HSPG2: variants seen among roughly 807,000 people sequenced by gnomAD.
The protein encoded by HSPG2 is heparan sulfate proteoglycan 2.
In HSPG2, 278 loss-of-function variants were observed where a neutral mutation model predicts 526.6. The observed-to-expected ratio is 0.53, with a 90% CI of 0.48 to 0.58. The LOEUF (loss-of-function observed/expected upper bound fraction) is 0.58, where lower values mean the gene tolerates loss of function less well. Ranked by LOEUF, HSPG2 falls within the 20% of genes least tolerant of loss-of-function variation. HSPG2 has a pLI of 0.00. For synonymous variants in HSPG2, 2,465 were observed against 2,555.4 expected (o/e 0.96, Z 1.07); for missense variants, 5,354 against 6,099.5 (o/e 0.88, Z 4.07).
In HSPG2 at chr1:21,832,518, G is replaced by A. The variant is rs2098008994; in HGVS notation, c.11184C>T (p.Leu3728=). ...ACCGGAACTCGGGCCTTCCCCCCAC[G>A]AGGCCGAAGGAGATGAAGTCGGGCT... The part of the protein sequence containing the change: ...NRQPDFISFG[L]VGGRPEFRFD... Residue 3728 remains leucine, a synonymous_variant, in exon 81 of 97, where the codon CTC becomes CTT. Coordinates refer to ENST00000374695, the MANE Select transcript of HSPG2 (RefSeq NM_005529.7). 15 of 1,614,136 alleles carry A rather than the reference G, an allele frequency of 9.3e-6. No individual in the cohort carries two copies. The highest frequency in any genetic ancestry group is 2.2e-5 in the South Asian group (2 of 91,088).
chr1:21,875,564 C>T (rs759892527), intron 25 of HSPG2, 65 bp downstream of exon 25: 8 of 1,213,922 alleles, frequency 6.6e-6, no homozygotes, highest in East Asian at 2.3e-5. Flanking sequence ...CTGTGCTGTA[C>T]TGCACCGCTT....
chr1:21,870,947 G>T, intron 33 of HSPG2: 1 of 906,286 alleles, frequency 1.1e-6, no homozygotes, highest in Non-Finnish European at 1.3e-6. Context: ...CAGCAGGGAG[G>T]CCAGGAGATA....
chr1:21,862,115 G>T lies in HSPG2; in HGVS notation c.4741C>A (p.Gln1581Lys), dbSNP rs774631842. Residue 1581 changes from glutamine (Q) to lysine (K), a missense_variant and splice_region_variant, in exon 38 of 97, where the codon CAA (glutamine) becomes AAA (lysine). Physicochemically the swap from Gln to Lys is moderately conservative, Grantham distance 53 (BLOSUM62 1). Transcript: ENST00000374695. ...LCHPETGACS[Q>K]CQHNAAGEFC... ...TCCCCTGCGGCGTTGTGCTGGCATTGCTGCAGGGCACAAGGAGGGCAGGCA... is the reference window on the plus strand; with the variant it reads ...TCCCCTGCGGCGTTGTGCTGGCATTTCTGCAGGGCACAAGGAGGGCAGGCA... 10 of 1,612,392 alleles carry T rather than the reference G, an allele frequency of 6.2e-6. No individual in the cohort carries two copies. The highest frequency in any genetic ancestry group is 3.3e-4 in the Middle Eastern group (2 of 6,036).
intron 1 of HSPG2, among the ~76,000 whole-genome samples, chr1:21,915,285 T>G (rs1390713066): frequency 6.6e-6 from 1 of 152,228 alleles, no homozygotes; most frequent in Non-Finnish European, 1.5e-5. Flanking sequence ...GACTAGGGAC[T>G]GCCAGGGGAG....
intron 17 of HSPG2, among the ~76,000 whole-genome samples, chr1:21,879,649 C>T (rs1429863499): frequency 1.4e-5 from 1 of 73,346 alleles, no homozygotes; most frequent in Non-Finnish European, 2.9e-5. Flanking sequence ...GATGCTGTAT[C>T]TCTGGGTTGT....
Position 21,850,369 on chromosome 1 carries a change from C to T in HSPG2, c.7288G>A (p.Val2430Met). 2.5e-6 allele frequency: 4 copies of T among 1,607,476 alleles called. No homozygotes were observed. Among genetic ancestry groups the T allele is most frequent in the Non-Finnish European group, 3.4e-6 (4 of 1,177,312 alleles). The change falls in exon 56 of 97, where the codon GTG (valine) becomes ATG (methionine). Residue 2430 changes from valine to methionine, a missense_variant. By Grantham distance (21) the Val-to-Met change is conservative. Coordinates refer to ENST00000374695, the MANE Select transcript of HSPG2 (RefSeq NM_005529.7). ...VLVTIEPAGSVPALGVTPTVR... is the reference protein window; with the variant it reads ...VLVTIEPAGSMPALGVTPTVR... The stretch of plus-strand genomic sequence containing the variant: ...CTCCCTGAGAGCTACTCACCAGGCA[C>T]TGAGCCCGCAGGCTCAATGGTGACC...
chr1:21,906,016 CAATT>C (rs1427928334), intron 1 of HSPG2, among the ~76,000 whole-genome samples: 1 of 152,194 alleles, frequency 6.6e-6, no homozygotes, highest in Non-Finnish European at 1.5e-5. Context: ...TCTCTAAAAA[CAATT>C]AATTAGTTAA....
chr1:21,921,621 T>G (rs1224776536), intron 1 of HSPG2, among the ~76,000 whole-genome samples: 1 of 152,182 alleles, frequency 6.6e-6, no homozygotes, highest in Non-Finnish European at 1.5e-5. Flanking sequence ...TCCCCTCTGC[T>G]GCTCTCCTGC....
At position 21,888,706 on chromosome 1, in the gene HSPG2, G is replaced by C. The variant is rs202082510; in HGVS notation, c.575-640C>G. On this transcript the variant is annotated intron_variant, in intron 6 of 96. Coordinates refer to ENST00000374695, the MANE Select transcript of HSPG2 (RefSeq NM_005529.7). ...GACCGCCACAGCGGCCGGCGGGGGT[G>C]GGGGGGTCTGTGCTGGAAAGGAAGA... The C allele has an allele frequency of 3.7e-3, 5,073 of 1,363,050 alleles. 12 individuals carry two copies. Among genetic ancestry groups the C allele is most frequent in the Non-Finnish European group, 4.6e-3 (4,645 of 1,019,944 alleles). The allele number at this position is 1,363,050 out of a possible 1,614,324, so 84.4% of individuals were successfully genotyped here. A position where few individuals can be genotyped will look rare whatever the true frequency, so the allele number is the denominator to read the frequency against.
At chr1:21,918,856 C>T (rs1020104898) in intron 1 of HSPG2, among the ~76,000 whole-genome samples, 2 of 152,166 alleles carry the variant, frequency 1.3e-5, no homozygotes, top group Admixed American at 1.3e-4. Context: ...GCTCCTAGAC[C>T]GTCTCAGTCC....
rs374887656 is a variant in HSPG2, at chr1:21,850,512, G to A, written c.7159-14C>T. The A allele has an allele frequency of 5.0e-6, 8 of 1,600,026 alleles. No individual in the cohort carries two copies. The African/African-American group carries it at 1.1e-4, about 21-fold the overall frequency. On this transcript the variant is annotated splice_polypyrimidine_tract_variant and intron_variant, in intron 55 of 96. Coordinates refer to ENST00000374695, the MANE Select transcript of HSPG2 (RefSeq NM_005529.7). Reference sequence around the variant, plus strand: ...GGAGCCGTGGGTCTGGCCAGAATGGGGGTGAGTCAGAGGGAGCCCTCAGGA... The same window carrying A: ...GGAGCCGTGGGTCTGGCCAGAATGGAGGTGAGTCAGAGGGAGCCCTCAGGA...
At chr1:21,878,740 T>C in intron 18 of HSPG2, 77 bp from the exon 19 acceptor site, 1 of 1,373,806 alleles carries the variant, frequency 7.3e-7, no homozygotes, top group African/African-American at 1.4e-5. Context: ...AAATGACTGC[T>C]GTCTACACAG....
Position 21,864,014 on chromosome 1 carries a change from G to T in HSPG2, c.4740+86C>A. The T allele has an allele frequency of 9.5e-7, 1 of 1,054,906 alleles. No individual in the cohort carries two copies. The allele number at this position is 1,054,906 out of a possible 1,614,324, so 65.3% of individuals were successfully genotyped here. A position where few individuals can be genotyped will look rare whatever the true frequency, so the allele number is the denominator to read the frequency against. On this transcript the variant is annotated intron_variant, in intron 37 of 96. Coordinates refer to ENST00000374695, the MANE Select transcript of HSPG2 (RefSeq NM_005529.7). The surrounding 1 kb of genome is among the most constrained non-coding windows in gnomAD (Gnocchi z 4.8). ...CCATGCCCCATGATCCTGATCCCCT[G>T]GATTGATGCCTGCCTTGTCCAGCCC... is the stretch of plus-strand genomic sequence containing the variant.
intron 2 of HSPG2, 82 bp downstream of exon 2, chr1:21,896,093 C>G: frequency 1.9e-6 from 3 of 1,606,832 alleles, no homozygotes; most frequent in Non-Finnish European, 2.6e-6. Flanking sequence ...AATGGTCGGT[C>G]ACCCTCCTCC....
At chr1:21,924,576 A>G (rs1316654311) in intron 1 of HSPG2, among the ~76,000 whole-genome samples, 2 of 152,100 alleles carry the variant, frequency 1.3e-5, no homozygotes, top group Non-Finnish European at 1.5e-5. Context: ...AAAGGAGCCC[A>G]TCTTGTGAGT....
At chr1:21,846,631 G>C in intron 62 of HSPG2, 32 bp from the exon 63 acceptor site, 1 of 1,613,100 alleles carries the variant, frequency 6.2e-7, no homozygotes, top group Non-Finnish European at 8.5e-7. Context: ...AGTCGGCACA[G>C]CCGTTGTCAG....
chr1:21,846,890 C>T, intron 62 of HSPG2, among the ~76,000 whole-genome samples: 1 of 152,040 alleles, frequency 6.6e-6, no homozygotes, highest in East Asian at 1.9e-4. Flanking sequence ...GTCTCAGCTA[C>T]TCGGGAAGCT....
rs1572276384 is a variant in HSPG2 at position 21,864,745 on chromosome 1, T to C, written c.4626+98A>G. ...CAGGGCCCAGATGCAGGGGTCATTA[T>C]AGTTATGATGGTAATCAAGGCTGCG... On this transcript the variant is annotated intron_variant, in intron 36 of 96. Coordinates refer to ENST00000374695, the MANE Select transcript of HSPG2 (RefSeq NM_005529.7). This position sits in a 1 kb window ranked among gnomAD's most constrained non-coding sequence, Gnocchi z 4.8. The C allele has an allele frequency of 1.0e-6, 1 of 976,220 alleles. No individual in the cohort carries two copies. The highest frequency in any genetic ancestry group is 1.6e-6 in the Non-Finnish European group (1 of 631,112). 60.5% of individuals were successfully genotyped at this position (976,220 alleles called of 1,614,324 possible).
chr1:21,917,773 T>G (rs1643924335), intron 1 of HSPG2, among the ~76,000 whole-genome samples: 1 of 152,114 alleles, frequency 6.6e-6, no homozygotes, highest in Non-Finnish European at 1.5e-5. Flanking sequence ...AATCACCACC[T>G]CCACTCTAAA....
Sources: allele counts gnomAD v4.1 joint callset (sites outside exome capture counted in the v4.1 genomes callset), GRCh38; gene constraint gnomAD v4.1.1; non-coding constraint Gnocchi (gnomAD v3.1); transcripts MANE v1.5; gene names NCBI Gene and HGNC (gene_info 2026-07-23, HGNC 2026-07-21).